FBXO21: variants seen among roughly 807,000 people sequenced by gnomAD.
FBXO21 encodes F-box protein 21.
FBXO21 carries 32 observed loss-of-function variants against 76.6 expected under a neutral mutation model. The observed-to-expected ratio is 0.42, with a 90% CI of 0.32 to 0.56. FBXO21 has a LOEUF of 0.56. Ranked by LOEUF, FBXO21 falls within the 20% of genes least tolerant of loss-of-function variation. The probability of loss-of-function intolerance (pLI) is 0.16; values close to 1 mark genes in which losing one functional copy is unlikely to be tolerated. For synonymous variants in FBXO21, 328 were observed against 311.5 expected (o/e 1.05, Z -0.56); for missense variants, 586 against 797.3 (o/e 0.73, Z 3.19).
At chr12:117,157,724 C>G (rs1276728101) in intron 10 of FBXO21, 149 bp downstream of exon 10, 1 of 540,562 alleles carries the variant, frequency 1.8e-6, no homozygotes, top group African/African-American at 1.9e-5. Flanking sequence ...AGAGGTTCAG[C>G]TTTCTGTCTT....
At position 117,190,265 on chromosome 12, in the gene FBXO21, C is replaced by A. The variant is rs778493680; in HGVS notation, c.192G>T (p.Glu64Asp). 1.3e-6 allele frequency: 2 copies of A among 1,546,100 alleles called. No individual in the cohort carries two copies. Among genetic ancestry groups the A allele is most frequent in the South Asian group, 1.2e-5 (1 of 84,556 alleles). ...RVSSTCRRLR[E>D]LCQSSGKVWK... ...ACACCTTCCCGCTGCTCTGGCACAG[C>A]TCGCGCAGCCGCCGGCAGGTGCTGG... The change falls in exon 1 of 12, where the codon GAG (glutamate) becomes GAT (aspartate). Residue 64 changes from glutamate (E) to aspartate (D), a missense_variant. By Grantham distance (45) the Glu-to-Asp change is conservative (BLOSUM62 2). Coordinates refer to ENST00000622495, the MANE Select transcript of FBXO21 (RefSeq NM_015002.3).
chr12:117,177,493 T>C lies in FBXO21; in HGVS notation c.592+27A>G, dbSNP rs1227404887. ...AATCAGTTACCTACAGAAATACTAC[T>C]GTCCACATATATGGGAAAAGACCCA... On this transcript the variant is annotated intron_variant, in intron 4 of 11. Coordinates refer to ENST00000622495, the MANE Select transcript of FBXO21 (RefSeq NM_015002.3). The C allele has an allele frequency of 1.9e-6, 3 of 1,599,040 alleles. No homozygotes were observed. The South Asian group carries it at 3.4e-5, about 18-fold the overall frequency.
intron 9 of FBXO21, among the ~76,000 whole-genome samples, chr12:117,160,977 T>C (rs1955969980): frequency 6.6e-6 from 1 of 152,068 alleles, no homozygotes; most frequent in South Asian, 2.1e-4. Flanking sequence ...TGAGCTCCTA[T>C]CATGGGCCAG....
intron 4 of FBXO21, among the ~76,000 whole-genome samples, chr12:117,176,235 T>TGGTG (rs1956172551): frequency 6.6e-6 from 1 of 152,228 alleles, no homozygotes; most frequent in African/African-American, 2.4e-5. Context: ...AATGCTACTG[T>TGGTG]AGCTCTGAGG....
At position 117,190,466 on chromosome 12, in the gene FBXO21, G is replaced by A. The variant is rs1956338632; in HGVS notation, c.-10C>T. 1 of 1,246,580 alleles carries A rather than the reference G, an allele frequency of 8.0e-7. No individual in the cohort carries two copies. Among genetic ancestry groups the A allele is most frequent in the Non-Finnish European group, 1.1e-6 (1 of 929,010 alleles). The allele number at this position is 1,246,580 out of a possible 1,614,324, so 77.2% of individuals were successfully genotyped here. A position where few individuals can be genotyped will look rare whatever the true frequency, so the allele number is the denominator to read the frequency against. On this transcript the variant is annotated 5_prime_UTR_variant, in exon 1 of 12. It adds an upstream start codon to the 5' untranslated region. Transcript: ENST00000622495. ...CTGCTGCCGCCGCCATCTTGTCCGC[G>A]TACCTGGGGCCGCCGCGCGCGCGCG... is the stretch of plus-strand genomic sequence containing the variant.
intron 2 of FBXO21, 181 bp downstream of exon 2, chr12:117,189,046 G>A: frequency 1.5e-6 from 1 of 683,870 alleles, no homozygotes; most frequent in Non-Finnish European, 2.4e-6. Context: ...ACAGACAAAT[G>A]GCTTCGTGTT....
intron 3 of FBXO21, among the ~76,000 whole-genome samples, chr12:117,180,711 C>T (rs1394813971): frequency 1.3e-5 from 2 of 152,116 alleles, no homozygotes; most frequent in Non-Finnish European, 2.9e-5. Context: ...CTGCAATCTC[C>T]GCCTCCCGGG....
At chr12:117,155,148 G>A (rs1426579195) in intron 11 of FBXO21, 1 of 152,426 alleles carries the variant, frequency 6.6e-6, no homozygotes, top group Non-Finnish European at 1.5e-5. Flanking sequence ...CTATTAAGTA[G>A]AGGTGAAATT....
chr12:117,177,727 G>C (rs953500598), intron 3 of FBXO21, 86 bp from the exon 4 acceptor site: 7 of 1,114,036 alleles, frequency 6.3e-6, no homozygotes, highest in Non-Finnish European at 9.0e-6. Flanking sequence ...CATGTAGTTT[G>C]CTTAACAAGA....
At position 117,174,518 on chromosome 12, in the gene FBXO21, A is replaced by G. The variant is rs1956154062; in HGVS notation, c.739+133T>C. Reference sequence around the variant, plus strand: ...GTGTTTTAGGTTCAACACTTCAACCAGGTAAACACGTGGTCACGTCATTTT... The same window carrying G: ...GTGTTTTAGGTTCAACACTTCAACCGGGTAAACACGTGGTCACGTCATTTT... On this transcript the variant is annotated intron_variant, in intron 5 of 11. Transcript: ENST00000622495. 4.1e-6 allele frequency: 5 copies of G among 1,229,462 alleles called. 1 individual carries two copies. In the East Asian group the frequency reaches 1.2e-4, roughly 29 times the overall value. The allele number at this position is 1,229,462 out of a possible 1,614,324, so 76.2% of individuals were successfully genotyped here.
chr12:117,181,245 G>A (rs1956227618), intron 3 of FBXO21, among the ~76,000 whole-genome samples: 1 of 151,994 alleles, frequency 6.6e-6, no homozygotes, highest in Non-Finnish European at 1.5e-5. Context: ...AAGTTTCTGT[G>A]CAGTCTTTGT....
At chr12:117,189,418 C>T (rs1592902013) in intron 1 of FBXO21, 56 bp from the exon 2 acceptor site, 3 of 1,604,690 alleles carry the variant, frequency 1.9e-6, no homozygotes, top group Non-Finnish European at 2.6e-6. Flanking sequence ...CAGGCGGCCA[C>T]GAATCCAAGG....
At chr12:117,170,100 T>C (rs990772237) in intron 7 of FBXO21, among the ~76,000 whole-genome samples, 1 of 145,328 alleles carries the variant, frequency 6.9e-6, no homozygotes, top group Non-Finnish European at 1.5e-5. Context: ...CTGTATATCA[T>C]TAATACTTAA....
rs1040063185 is a variant in FBXO21 at position 117,157,807 on chromosome 12, G to A, written c.1517+66C>T. ...CCACTGTGTCCTGGGGGCTCACCAG[G>A]TGCATGTGTGTCTCTGCAGCCCCTC... On this transcript the variant is annotated intron_variant, in intron 10 of 11. Coordinates refer to ENST00000622495, the MANE Select transcript of FBXO21 (RefSeq NM_015002.3). 7 of 1,411,882 alleles carry A rather than the reference G, an allele frequency of 5.0e-6. No individual in the cohort carries two copies. The Admixed American group carries it at 6.1e-5, about 12-fold the overall frequency. The allele number at this position is 1,411,882 out of a possible 1,614,324, so 87.5% of individuals were successfully genotyped here. A position where few individuals can be genotyped will look rare whatever the true frequency, so the allele number is the denominator to read the frequency against.
chr12:117,169,963 T>C (rs2135868646), intron 7 of FBXO21, among the ~76,000 whole-genome samples: 1 of 151,382 alleles, frequency 6.6e-6, no homozygotes, highest in East Asian at 1.9e-4. Flanking sequence ...GAAACCAAAT[T>C]GTCACTATTC....
At chr12:117,183,930 C>A (rs1219288890) in intron 3 of FBXO21, among the ~76,000 whole-genome samples, 1 of 152,144 alleles carries the variant, frequency 6.6e-6, no homozygotes, top group East Asian at 1.9e-4. Context: ...TTTAAAAATC[C>A]ATTTTTTCCC....
At position 117,157,969 on chromosome 12, in the gene FBXO21, C is replaced by T; in HGVS notation, c.1421G>A (p.Arg474His). 1.9e-6 allele frequency: 3 copies of T among 1,614,206 alleles called. No homozygotes were observed. Among genetic ancestry groups the T allele is most frequent in the East Asian group, 2.2e-5 (1 of 44,880 alleles). Residue 474 changes from arginine (R) to histidine (H), a missense_variant, in exon 10 of 12, where the codon CGC (arginine) becomes CAC (histidine). By Grantham distance (29) the Arg-to-His change is conservative (BLOSUM62 0). Around this residue, in one of 6 missense-constraint regions of FBXO21, gnomAD observed 164 missense variants for 236.7 expected, o/e 0.69. Transcript: ENST00000622495. ...LVQHTLEHIE[R>H]KKEEVGVEVK... ...CTCTACGCCCACCTCCTCCTTTTTG[C>T]GCTCAATGTGCTCTAGAGTGTGCTG... is the stretch of plus-strand genomic sequence containing the variant.
rs1955747110 is a variant in FBXO21, at chr12:117,144,524, C to G, written c.*1563G>C. 2.0e-5 allele frequency: 3 copies of G among 152,154 alleles called. No individual in the cohort carries two copies. Among genetic ancestry groups the G allele is most frequent in the Non-Finnish European group, 2.9e-5 (2 of 68,058 alleles). The allele number at this position is 152,154 out of a possible 1,614,324, so 9.4% of individuals were successfully genotyped here. A position where few individuals can be genotyped will look rare whatever the true frequency, so the allele number is the denominator to read the frequency against. ...GTGGCTTTCCAAACCTTGGTCACCC[C>G]AGGGTTTCCAAAGGGTAAACAAGCA... On this transcript the variant is annotated 3_prime_UTR_variant, in exon 12 of 12. Transcript: ENST00000622495.
intron 2 of FBXO21, 65 bp downstream of exon 2, chr12:117,189,162 T>C (rs1203993415): frequency 6.3e-7 from 1 of 1,592,228 alleles, no homozygotes; most frequent in Non-Finnish European, 8.6e-7. Flanking sequence ...GATGAGCTCA[T>C]GCCTGCAGAC....
Sources: gnomAD v4.1 joint callset for allele counts (sites outside exome capture counted in the v4.1 genomes callset) on GRCh38, gnomAD v4.1.1 for gene constraint, gnomAD v4.1.1 regional missense constraint, MANE v1.5 for transcripts, NCBI Gene and HGNC (gene_info 2026-07-23, HGNC 2026-07-21) for gene names.